E2F8: variants seen among roughly 807,000 people sequenced by gnomAD.
E2F8 encodes the protein transcription factor E2F8.
In E2F8, 35 loss-of-function variants were observed where a neutral mutation model predicts 80.8. The ratio of observed to expected loss-of-function variants is 0.43; its 90% CI spans 0.33 to 0.57. The LOEUF (loss-of-function observed/expected upper bound fraction) is 0.57. E2F8 is among the 20% of genes least tolerant of loss of function. The probability of loss-of-function intolerance (pLI) is 0.04; values close to 1 mark genes in which losing one functional copy is unlikely to be tolerated. For missense variants in E2F8, 975 were observed against 1,056.2 expected (o/e 0.92, Z 1.07); for synonymous variants, 386 against 395.0 (o/e 0.98, Z 0.27).
rs144450449 is a variant in E2F8 at position 19,235,058 on chromosome 11, T to C, written c.452A>G (p.Asn151Ser). 527 of 1,600,052 alleles carry C rather than the reference T, an allele frequency of 3.3e-4. 7 individuals carry two copies. In the Middle Eastern group the frequency reaches 4.2e-3, roughly 13 times the overall value. The stretch of plus-strand genomic sequence containing the variant: ...ATCGTAAATGCGTCGACGTTCAACA[T>C]CTACAAAGAATGTGCAATTGTGTGT... ...ICLDEVAEEL[N>S]VERRRIYDIV... Residue 151 changes from asparagine (N) to serine (S), a missense_variant and splice_region_variant, in exon 5 of 13, where the codon AAT becomes AGT. By Grantham distance (46) the Asn-to-Ser change is conservative (BLOSUM62 1). Coordinates refer to ENST00000250024, the MANE Select transcript of E2F8 (RefSeq NM_024680.4).
rs762902793 is a variant in E2F8 at position 19,237,906 on chromosome 11, C to A, written c.242G>T (p.Arg81Met). The stretch of plus-strand genomic sequence containing the variant: ...TCCACTTCTGTTGTCAAACAAACCC[C>A]TTTTCTGATCTCTGTTGCGGATCTC... ...SPEIRNRDQK[R>M]GLFDNRSGLP... The change falls in exon 3 of 13, where the codon AGG becomes ATG. Residue 81 changes from arginine to methionine, a missense_variant. Coordinates refer to ENST00000250024, the MANE Select transcript of E2F8 (RefSeq NM_024680.4). 2.8e-5 allele frequency: 45 copies of A among 1,613,986 alleles called. No homozygotes were observed. The highest frequency in any genetic ancestry group is 3.8e-5 in the Non-Finnish European group (45 of 1,180,040).
chr11:19,240,985 G>C (rs1003888765), upstream of E2F8: 2 of 152,184 alleles, frequency 1.3e-5, no homozygotes, highest in Non-Finnish European at 2.9e-5. Context: ...CCTCCCCCAG[G>C]CCCTGTCCGC....
chr11:19,233,783 T>G (rs537662047), intron 6 of E2F8, among the ~76,000 whole-genome samples: 26 of 151,900 alleles, frequency 1.7e-4, no homozygotes, highest in Non-Finnish European at 3.2e-4. Flanking sequence ...CCACCGCGCC[T>G]GGCCGTGTTT....
rs758002343 is a variant in E2F8 at position 19,229,806 on chromosome 11, T to C, written c.1541A>G (p.Gln514Arg). The change falls in exon 10 of 13, where the codon CAG becomes CGG. Residue 514 changes from glutamine to arginine, a missense_variant. Transcript: ENST00000250024. The surrounding 1 kb of genome is among the most constrained non-coding windows in gnomAD (Gnocchi z 4.3). ...LSSAVPLILP[Q>R]APSGPSYAIY... ...GGCATAGGATGGGCCTGAAGGGGCC[T>C]GAGGTAGGATCAGGGGCACTGCTGA... 6.2e-7 allele frequency: 1 copy of C among 1,613,860 alleles called. No individual in the cohort carries two copies. Among genetic ancestry groups the C allele is most frequent in the Non-Finnish European group, 8.5e-7 (1 of 1,179,890 alleles).
Position 19,235,902 on chromosome 11 carries a change from A to G in E2F8, c.452-844T>C, listed in dbSNP as rs962977587. 8.5e-5 allele frequency among the ~76,000 whole-genome samples: 13 copies of G among 152,326 alleles called. No individual in the cohort carries two copies. In the South Asian group the frequency reaches 2.3e-3, roughly 27 times the overall value. ...GTAGTTTTTAAAAACTTACATAAAAATAAAATATGCCTTTTTGGGTCTAAT... is the reference window on the plus strand; with the variant it reads ...GTAGTTTTTAAAAACTTACATAAAAGTAAAATATGCCTTTTTGGGTCTAAT... On this transcript the variant is annotated intron_variant, in intron 4 of 12. Coordinates refer to ENST00000250024, the MANE Select transcript of E2F8 (RefSeq NM_024680.4).
Position 19,237,979 on chromosome 11 carries a change from A to G in E2F8, c.169T>C (p.Trp57Arg). 2 of 1,614,166 alleles carry G rather than the reference A, an allele frequency of 1.2e-6. No homozygotes were observed. The highest frequency in any genetic ancestry group is 1.6e-4 in the Middle Eastern group (1 of 6,062). ...KPKEGSQGEPWTPTANLKMLI... is the reference protein window; with the variant it reads ...KPKEGSQGEPRTPTANLKMLI... The stretch of plus-strand genomic sequence containing the variant: ...ATTTTCAGGTTGGCTGTCGGTGTCC[A>G]CGGCTCTCCCTGAGAGCCTTCCTTG... The change falls in exon 3 of 13, where the codon TGG (tryptophan) becomes CGG (arginine). Residue 57 changes from tryptophan (W) to arginine (R), a missense_variant. Trp to Arg is a moderately radical substitution (Grantham distance 101, BLOSUM62 -3). Coordinates refer to ENST00000250024, the MANE Select transcript of E2F8 (RefSeq NM_024680.4).
chr11:19,226,042 TCCC>T, intron 10 of E2F8, 178 bp from the exon 11 acceptor site: 2 of 658,472 alleles, frequency 3.0e-6, no homozygotes, highest in Non-Finnish European at 5.2e-6. Context: ...CTCCCACCCT[TCCC>T]AATGCTTGCC....
chr11:19,229,982 G>A lies in E2F8; in HGVS notation c.1365C>T (p.Ser455=), dbSNP rs749638287. The A allele has an allele frequency of 2.5e-6, 4 of 1,613,268 alleles. No homozygotes were observed. The highest frequency in any genetic ancestry group is 1.1e-5 in the South Asian group (1 of 91,060). ...CCAGCTGTACTTTCACTTTCTGTCT[G>A]GATTCACTGAAAGACAAGATTTAAT... The part of the protein sequence containing the change: ...KMQLEEQSSE[S]RQKVKVQLAR... Residue 455 remains serine, a synonymous_variant, in exon 10 of 13, where the codon TCC becomes TCT. Coordinates refer to ENST00000250024, the MANE Select transcript of E2F8 (RefSeq NM_024680.4). The surrounding 1 kb of genome is among the most constrained non-coding windows in gnomAD (Gnocchi z 4.3).
Position 19,224,488 on chromosome 11 carries a change from T to TGG in E2F8, c.*169_*170insCC. ...AAATATATGTGTGTGTGTGTGTGTG[T>TGG]GTGTGTGTGTATATATATATATGTA... On this transcript the variant is annotated 3_prime_UTR_variant, in exon 13 of 13. Coordinates refer to ENST00000250024, the MANE Select transcript of E2F8 (RefSeq NM_024680.4). 1.8e-6 allele frequency: 1 copy of TGG among 547,494 alleles called. No individual in the cohort carries two copies. Among genetic ancestry groups the TGG allele is most frequent in the Non-Finnish European group, 3.2e-6 (1 of 314,124 alleles). The allele number at this position is 547,494 out of a possible 1,614,324, so 33.9% of individuals were successfully genotyped here.
rs759680306 is a variant in E2F8 at position 19,237,423 on chromosome 11, T to C, written c.342A>G (p.Lys114=). The change falls in exon 4 of 13, where the codon AAA becomes AAG. Residue 114 remains lysine (K), a synonymous_variant. Transcript: ENST00000250024. The stretch of plus-strand genomic sequence containing the variant: ...GACACAATAATCCTAAACTTTTCTC[T>C]TTTCGACTTGGTTGGGATTTCTCAA... ...DEFEKSQPSR[K]EKSLGLLCHK... 4 of 1,614,166 alleles carry C rather than the reference T, an allele frequency of 2.5e-6. No individual in the cohort carries two copies. The highest frequency in any genetic ancestry group is 3.4e-6 in the Non-Finnish European group (4 of 1,180,000).
chr11:19,234,747 C>A lies in E2F8; in HGVS notation c.763G>T (p.Ala255Ser). 2 of 1,608,122 alleles carry A rather than the reference C, an allele frequency of 1.2e-6. No individual in the cohort carries two copies. The highest frequency in any genetic ancestry group is 1.7e-6 in the Non-Finnish European group (2 of 1,176,480). Residue 255 changes from alanine to serine, a missense_variant, in exon 5 of 13, where the codon GCA becomes TCA. Transcript: ENST00000250024. ...AGTTTTCACTACCATCTCTCACCTG[C>A]CCGAAATTCCACTCCAGGGAGTTCC... is the stretch of plus-strand genomic sequence containing the variant. ...FVELPGVEFRAASVNSRKDKS... is the reference protein window; with the variant it reads ...FVELPGVEFRSASVNSRKDKS...
intron 3 of E2F8, 28 bp downstream of exon 3, chr11:19,237,826 G>A: frequency 1.3e-6 from 2 of 1,581,044 alleles, no homozygotes; most frequent in Non-Finnish European, 1.7e-6. Context: ...AAATTCCCCA[G>A]CCTCCAACCA....
intron 10 of E2F8, among the ~76,000 whole-genome samples, chr11:19,228,120 T>A (rs1054027722): frequency 6.6e-6 from 1 of 151,978 alleles, no homozygotes; most frequent in African/African-American, 2.4e-5. Flanking sequence ...TGCAGAGATA[T>A]AAAAAAGAAG....
At chr11:19,233,866 C>T (rs547699300) in intron 6 of E2F8, among the ~76,000 whole-genome samples, 109 of 151,714 alleles carry the variant, frequency 7.2e-4, no homozygotes, top group African/African-American at 2.6e-3. Context: ...TGGCCAGGCG[C>T]AGTGGCTCAG....
chr11:19,241,343 C>T (rs1019031592), upstream of E2F8: 1 of 155,736 alleles, frequency 6.4e-6, no homozygotes, highest in African/African-American at 2.4e-5. The surrounding 1 kb of genome is among the most constrained non-coding windows in gnomAD (Gnocchi z 4.5). Context: ...GCCGCCGCCA[C>T]CCTCCCGAGC....
Position 19,225,275 on chromosome 11 carries a change from G to T in E2F8, c.2367C>A (p.Val789=). 1 of 1,614,122 alleles carries T rather than the reference G, an allele frequency of 6.2e-7. No individual in the cohort carries two copies. Among genetic ancestry groups the T allele is most frequent in the South Asian group, 1.1e-5 (1 of 91,076 alleles). Residue 789 remains valine, a synonymous_variant, in exon 12 of 13, where the codon GTC becomes GTA. Transcript: ENST00000250024. ...QGRATNYDSP[V]PGQSQPNGQS... is the part of the protein sequence containing the mutation. ...GTCCATTTGGCTGGCTCTGGCCTGG[G>T]ACTGGTGAGTCATAGTTGGTGGCCC...
At position 19,229,723 on chromosome 11, in the gene E2F8, G is replaced by A; in HGVS notation, c.1624C>T (p.Pro542Ser). ...GAAGAGTGGGTGGTGCACACCGTTGGGCTCAGGCCTTGGGGTGGCGTCACA... is the reference window on the plus strand; with the variant it reads ...GAAGAGTGGGTGGTGCACACCGTTGAGCTCAGGCCTTGGGGTGGCGTCACA... The part of the protein sequence containing the change: ...QSVTPPQGLS[P>S]TVCTTHSSKA... Residue 542 changes from proline to serine, a missense_variant, in exon 10 of 13, where the codon CCA becomes TCA. Pro to Ser is a moderately conservative substitution (Grantham distance 74). Coordinates refer to ENST00000250024, the MANE Select transcript of E2F8 (RefSeq NM_024680.4). This position sits in a 1 kb window ranked among gnomAD's most constrained non-coding sequence, Gnocchi z 4.3. 6.2e-7 allele frequency: 1 copy of A among 1,614,182 alleles called. No homozygotes were observed. Among genetic ancestry groups the A allele is most frequent in the Admixed American group, 1.7e-5 (1 of 60,028 alleles).
At chr11:19,225,037 A>C in intron 12 of E2F8, 184 bp downstream of exon 12, 1 of 1,123,744 alleles carries the variant, frequency 8.9e-7, no homozygotes, top group Non-Finnish European at 1.3e-6. Flanking sequence ...TCTCATGATA[A>C]CCCAACAATA....
chr11:19,225,970 C>G, intron 10 of E2F8, 106 bp from the exon 11 acceptor site: 1 of 1,364,852 alleles, frequency 7.3e-7, no homozygotes, highest in South Asian at 1.3e-5. Context: ...CTCATTGGAC[C>G]AAAGCCTCCA....
Sources: allele counts gnomAD v4.1 joint callset (sites outside exome capture counted in the v4.1 genomes callset), GRCh38; gene constraint gnomAD v4.1.1; non-coding constraint Gnocchi (gnomAD v3.1); transcripts MANE v1.5; gene names NCBI Gene and HGNC (gene_info 2026-07-23, HGNC 2026-07-21).